The following GRIN2A variants were observed in gnomAD, a reference collection of about 807,000 sequenced individuals.
The protein encoded by GRIN2A is glutamate receptor ionotropic, NMDA 2A.
In GRIN2A, 22 loss-of-function variants were observed where a neutral mutation model predicts 113.4. The observed-to-expected ratio is 0.19, with a 90% confidence interval of 0.14 to 0.28. The LOEUF (loss-of-function observed/expected upper bound fraction) is 0.28. GRIN2A is among the 10% of genes least tolerant of loss of function. The pLI is 1.00. For synonymous variants in GRIN2A, 827 were observed against 738.4 expected, an observed-to-expected ratio of 1.12 and a Z score of -1.94; for missense variants, 1,502 against 1,887.0, an observed-to-expected ratio of 0.80 and a Z score of 3.78.
At chr16:9,963,737 A>G (rs1280312875) in intron 2 of GRIN2A, among the ~76,000 whole-genome samples, 1 of 152,228 alleles carries the variant, frequency 6.6e-6, no homozygotes, top group Non-Finnish European at 1.5e-5. Flanking sequence ...CTGTATATTT[A>G]TTGAGAATCT....
At chr16:9,970,367 C>T (rs1187766229) in intron 2 of GRIN2A, among the ~76,000 whole-genome samples, 1 of 152,188 alleles carries the variant, frequency 6.6e-6, no homozygotes, top group African/African-American at 2.4e-5. Context: ...TGTTTTGGTG[C>T]ATTGCCCACT....
At chr16:10,118,899 G>C (rs772058776) in intron 2 of GRIN2A, among the ~76,000 whole-genome samples, 4 of 152,150 alleles carry the variant, frequency 2.6e-5, no homozygotes, top group Non-Finnish European at 5.9e-5. Context: ...CATAAACAAA[G>C]TCACATTCAG....
At chr16:9,895,908 T>G (rs1032587795) in intron 3 of GRIN2A, among the ~76,000 whole-genome samples, 1 of 152,138 alleles carries the variant, frequency 6.6e-6, no homozygotes, top group African/African-American at 2.4e-5. Flanking sequence ...ATTTAGTAAA[T>G]TATCAAGAAA....
chr16:9,870,768 G>A (rs1243798466), intron 4 of GRIN2A, among the ~76,000 whole-genome samples: 1 of 151,852 alleles, frequency 6.6e-6, no homozygotes, highest in Non-Finnish European at 1.5e-5. Flanking sequence ...CTCCTGAGTA[G>A]CTGAAACTAC....
intron 11 of GRIN2A, among the ~76,000 whole-genome samples, chr16:9,786,637 T>C (rs1902245968): frequency 6.6e-6 from 1 of 152,126 alleles, no homozygotes; most frequent in African/African-American, 2.4e-5. Context: ...TTCCAAGATG[T>C]CTATGAGGGT....
chr16:9,948,383 A>G (rs936930963), intron 2 of GRIN2A, among the ~76,000 whole-genome samples: 3 of 152,184 alleles, frequency 2.0e-5, no homozygotes, highest in African/African-American at 7.2e-5. Context: ...CAAGCTCCCG[A>G]GTGGCATCAG....
In GRIN2A at chr16:10,114,530, T is replaced by A. The variant is rs183470030; in HGVS notation, c.414+65468A>T. ...ACAGGAGAGGGAGGAGGAAGATGTA[T>A]CTTCTGTGTCCCCAGAAACCCGCAG... On this transcript the variant is annotated intron_variant, in intron 2 of 12. Coordinates refer to ENST00000330684, the MANE Select transcript of GRIN2A (RefSeq NM_001134407.3). Among the ~76,000 whole-genome samples, 3 of 152,296 alleles carry A rather than the reference T, an allele frequency of 2.0e-5. No homozygotes were observed. In the East Asian group the frequency reaches 5.8e-4, roughly 29 times the overall value.
chr16:9,804,390 A>G (rs575297404), intron 10 of GRIN2A, among the ~76,000 whole-genome samples: 5 of 152,184 alleles, frequency 3.3e-5, no homozygotes, highest in Non-Finnish European at 1.5e-5. Context: ...AGCCCAGTTA[A>G]GAACACACAG....
At chr16:10,024,819 G>T (rs888520599) in intron 2 of GRIN2A, among the ~76,000 whole-genome samples, 1 of 152,338 alleles carries the variant, frequency 6.6e-6, no homozygotes, top group Non-Finnish European at 1.5e-5. Context: ...AGTAAGAGCT[G>T]TTGGATGGCA....
At chr16:10,044,005 GTGTA>G (rs1379070108) in intron 2 of GRIN2A, among the ~76,000 whole-genome samples, 7 of 100,294 alleles carry the variant, frequency 7.0e-5, no homozygotes, top group Admixed American at 1.1e-4. Flanking sequence ...GTGTGTGTGT[GTGTA>G]TATATATATA....
intron 2 of GRIN2A, among the ~76,000 whole-genome samples, chr16:10,062,104 G>A (rs73508658): frequency 0.03 from 4,554 of 152,218 alleles, 242 homozygotes; most frequent in African/African-American, 0.1. Flanking sequence ...GGGATGAGAT[G>A]GAAACCCAGG....
At chr16:9,840,836 GA>G in intron 6 of GRIN2A, 36 bp from the exon 7 acceptor site, 2 of 1,449,526 alleles carry the variant, frequency 1.4e-6, no homozygotes, top group South Asian at 1.2e-5. Flanking sequence ...AAAAAAAAGA[GA>G]GAGAGAGAAC....
At chr16:9,993,348 G>C (rs1157487049) in intron 2 of GRIN2A, among the ~76,000 whole-genome samples, 2 of 151,986 alleles carry the variant, frequency 1.3e-5, no homozygotes, top group Non-Finnish European at 2.9e-5. Flanking sequence ...CCAGGAGTTC[G>C]AGACTAGTCT....
intron 2 of GRIN2A, among the ~76,000 whole-genome samples, chr16:10,170,400 A>T (rs1327452021): frequency 6.6e-6 from 1 of 152,226 alleles, no homozygotes; most frequent in Non-Finnish European, 1.5e-5. Context: ...CTAGAGACCT[A>T]ATGTATAGCA....
chr16:10,157,740 G>T (rs988828785), intron 2 of GRIN2A, among the ~76,000 whole-genome samples: 1 of 152,054 alleles, frequency 6.6e-6, no homozygotes, highest in African/African-American at 2.4e-5. Context: ...CAACACTTGG[G>T]GATTGCAATT....
At chr16:10,114,988 G>A (rs1721393518) in intron 2 of GRIN2A, among the ~76,000 whole-genome samples, 1 of 152,220 alleles carries the variant, frequency 6.6e-6, no homozygotes, top group Non-Finnish European at 1.5e-5. Context: ...GTCCCCACAT[G>A]GCATTAATCC....
chr16:10,106,517 C>T (rs370343318), intron 2 of GRIN2A, among the ~76,000 whole-genome samples: 71 of 152,086 alleles, frequency 4.7e-4, no homozygotes, highest in African/African-American at 1.5e-3. Context: ...AGGTTGTTCA[C>T]AGCATCCTTC....
At chr16:9,925,133 C>G (rs1038110498) in intron 3 of GRIN2A, among the ~76,000 whole-genome samples, 19 of 152,170 alleles carry the variant, frequency 1.2e-4, no homozygotes, top group African/African-American at 3.4e-4. Context: ...TCACTGAGCT[C>G]TGTTCTAGAG....
At chr16:9,926,981 G>A (rs1324733127) in intron 3 of GRIN2A, among the ~76,000 whole-genome samples, 1 of 150,828 alleles carries the variant, frequency 6.6e-6, no homozygotes, top group Non-Finnish European at 1.5e-5. Flanking sequence ...TCTGAAAGTC[G>A]TAACGTGGGG....
Sources: gnomAD v4.1 joint callset for allele counts (sites outside exome capture counted in the v4.1 genomes callset) on GRCh38, gnomAD v4.1.1 for gene constraint, MANE v1.5 for transcripts, NCBI Gene and HGNC (gene_info 2026-07-23, HGNC 2026-07-21) for gene names.